The following TRPV4 variants were observed in gnomAD, a reference collection of about 807,000 sequenced individuals.
TRPV4 encodes OSM9-like transient receptor potential channel 4.
Under a neutral mutation model 84.1 loss-of-function variants are expected in TRPV4, and 58 were observed. That is an observed-to-expected ratio of 0.69 (90% CI 0.56 to 0.86). TRPV4 has a LOEUF of 0.86. Among genes scored for constraint, TRPV4 ranks in the 40% least tolerant of loss-of-function variants. TRPV4 has a pLI of 0.00. For synonymous variants in TRPV4, 489 were observed against 500.9 expected, an observed-to-expected ratio of 0.98 and a Z score of 0.32; for missense variants, 879 against 1,181.1, an observed-to-expected ratio of 0.74 and a Z score of 3.75.
intron 1 of TRPV4, among the ~76,000 whole-genome samples, chr12:109,826,628 C>T (rs775930736): frequency 1.1e-4 from 16 of 152,312 alleles, no homozygotes; most frequent in Non-Finnish European, 1.6e-4. Context: ...TTCATTCATC[C>T]CTTTGGGGGC....
Position 109,783,983 on chromosome 12 carries a change from G to C in TRPV4, c.2459-205C>G, listed in dbSNP as rs1033222975. 6.6e-6 allele frequency among the ~76,000 whole-genome samples: 1 copy of C among 152,188 alleles called. No homozygotes were observed. Among genetic ancestry groups the C allele is most frequent in the South Asian group, 2.1e-4 (1 of 4,832 alleles). Reference sequence around the variant, plus strand: ...AATGGAGGAACCAGGATTCAAGCCTGGAGCCGAATGCCCTGAGTGCCTGTG... The same window carrying C: ...AATGGAGGAACCAGGATTCAAGCCTCGAGCCGAATGCCCTGAGTGCCTGTG... On this transcript the variant is annotated intron_variant, in intron 15 of 15. Coordinates refer to ENST00000261740, the MANE Select transcript of TRPV4 (RefSeq NM_021625.5). The surrounding 1 kb of genome is among the most constrained non-coding windows in gnomAD (Gnocchi z 4.6).
intron 14 of TRPV4, among the ~76,000 whole-genome samples, chr12:109,785,148 T>A (rs1280117246): frequency 2.6e-5 from 4 of 151,942 alleles, no homozygotes. Flanking sequence ...CAGCCCCCCA[T>A]GTAGCTGGGA....
chr12:109,809,652 C>T (rs199757265), intron 2 of TRPV4, among the ~76,000 whole-genome samples: 38 of 148,408 alleles, frequency 2.6e-4, no homozygotes, highest in East Asian at 1.0e-3. Context: ...CACCCACCCA[C>T]CCATCCATCC....
At position 109,788,653 on chromosome 12, in the gene TRPV4, C is replaced by A. The variant is rs1200727184; in HGVS notation, c.1955G>T (p.Cys652Phe). Residue 652 changes from cysteine (C) to phenylalanine (F), a missense_variant, in exon 13 of 16, where the codon TGC becomes TTC. By Grantham distance (205) the Cys-to-Phe change is radical. This residue lies in a region of TRPV4 where 242 missense variants were observed against 355.3 expected (regional missense o/e 0.68). Transcript: ENST00000261740. ...GCACGAGGGGTAAGTGGGCACTGTG[C>A]AGTTGGTCTGGTCCTCATTGCACAC... ...MKVCNEDQTN[C>F]TVPTYPSCRD... 1.2e-6 allele frequency: 2 copies of A among 1,614,074 alleles called. No homozygotes were observed. Among genetic ancestry groups the A allele is most frequent in the Non-Finnish European group, 1.7e-6 (2 of 1,180,044 alleles).
In TRPV4 at chr12:109,786,675, G is replaced by A. The variant is rs752950814; in HGVS notation, c.2336+35C>T. 2.3e-5 allele frequency: 37 copies of A among 1,612,328 alleles called. No homozygotes were observed. The highest frequency in any genetic ancestry group is 9.3e-5 in the African/African-American group (7 of 74,916). On this transcript the variant is annotated intron_variant, in intron 14 of 15. Coordinates refer to ENST00000261740, the MANE Select transcript of TRPV4 (RefSeq NM_021625.5). This position sits in a 1 kb window ranked among gnomAD's most constrained non-coding sequence, Gnocchi z 4.5. ...GCCCCGAGCCAGTGGGGACAGTTCC[G>A]CCCTGCCATCCTGGCCCCACTGCCC...
At chr12:109,830,198 G>C (rs1180248829) in intron 1 of TRPV4, among the ~76,000 whole-genome samples, 3 of 150,128 alleles carry the variant, frequency 2.0e-5, no homozygotes, top group African/African-American at 7.4e-5. Flanking sequence ...AAATGGGGAC[G>C]GGCCACCTTA....
In TRPV4 at chr12:109,786,699, C is replaced by T; in HGVS notation, c.2336+11G>A. ...CGCCCTGCCATCCTGGCCCCACTGC[C>T]CCAGCCTCACCTGAAGCACCACCTG... On this transcript the variant is annotated intron_variant, in intron 14 of 15. Coordinates refer to ENST00000261740, the MANE Select transcript of TRPV4 (RefSeq NM_021625.5). This position sits in a 1 kb window ranked among gnomAD's most constrained non-coding sequence, Gnocchi z 4.5. The T allele has an allele frequency of 6.2e-7, 1 of 1,613,576 alleles. No homozygotes were observed. Among genetic ancestry groups the T allele is most frequent in the Non-Finnish European group, 8.5e-7 (1 of 1,180,006 alleles).
Position 109,783,537 on chromosome 12 carries a change from T to C in TRPV4, c.*84A>G. On this transcript the variant is annotated 3_prime_UTR_variant, in exon 16 of 16. Transcript: ENST00000261740. The surrounding 1 kb of genome is among the most constrained non-coding windows in gnomAD (Gnocchi z 4.6). ...TCGCCTCTGGGGCCAAAGCAGGGTGTGGGGGGACACCCCAGAAGGCACTGC... is the reference window on the plus strand; with the variant it reads ...TCGCCTCTGGGGCCAAAGCAGGGTGCGGGGGGACACCCCAGAAGGCACTGC... The C allele has an allele frequency of 6.5e-7, 1 of 1,537,740 alleles. No homozygotes were observed. Among genetic ancestry groups the C allele is most frequent in the Non-Finnish European group, 8.8e-7 (1 of 1,135,036 alleles).
Position 109,800,550 on chromosome 12 carries a change from C to G in TRPV4, c.853+68G>C. On this transcript the variant is annotated intron_variant, in intron 5 of 15. Coordinates refer to ENST00000261740, the MANE Select transcript of TRPV4 (RefSeq NM_021625.5). ...TGATGGTCAGGGCTGCAGACACCAA[C>G]CAGTATCATGCTATCTCCCGCCATG... 3.1e-6 allele frequency: 5 copies of G among 1,595,018 alleles called. 1 individual carries two copies. The South Asian group carries it at 5.6e-5, about 18-fold the overall frequency.
At chr12:109,799,891 G>A (rs867650090) in intron 5 of TRPV4, among the ~76,000 whole-genome samples, 2 of 152,108 alleles carry the variant, frequency 1.3e-5, no homozygotes, top group African/African-American at 4.8e-5. Context: ...CTCCCAAGCA[G>A]CTGGGACTTC....
At chr12:109,785,370 TATC>T (rs1370200187) in intron 14 of TRPV4, among the ~76,000 whole-genome samples, 2 of 152,020 alleles carry the variant, frequency 1.3e-5, no homozygotes, top group African/African-American at 4.8e-5. Context: ...TTTTATATAT[TATC>T]TTTTTTTTTT....
intron 1 of TRPV4, among the ~76,000 whole-genome samples, chr12:109,820,417 G>A (rs949261774): frequency 4.6e-5 from 6 of 131,106 alleles, no homozygotes; most frequent in Non-Finnish European, 8.5e-5. Context: ...TTGACGTCAG[G>A]CAGACCAGAG....
In TRPV4 at chr12:109,820,514, C is replaced by CTTTTTTTTTTTTTTTTTTT. The variant is rs1186445597; in HGVS notation, c.-31-5688_-31-5687insAAAAAAAAAAAAAAAAAAA. 2.1e-4 allele frequency among the ~76,000 whole-genome samples: 26 copies of CTTTTTTTTTTTTTTTTTTT among 123,140 alleles called. 5 individuals are homozygous for CTTTTTTTTTTTTTTTTTTT. Among genetic ancestry groups the CTTTTTTTTTTTTTTTTTTT allele is most frequent in the East Asian group, 9.3e-4 (3 of 3,212 alleles). The allele number at this position is 123,140 out of a possible 152,430, so 80.8% of individuals were successfully genotyped here. ...CTGATCTTCACTTTCTTCAGCTGCC[C>CTTTTTTTTTTTTTTTTTTT]TATTTTTTTTTTTTTTTTTTTTTTT... On this transcript the variant is annotated intron_variant, in intron 1 of 15. Transcript: ENST00000261740.
intron 1 of TRPV4, among the ~76,000 whole-genome samples, chr12:109,817,818 C>A (rs2136682244): frequency 6.6e-6 from 1 of 152,336 alleles, no homozygotes; most frequent in Admixed American, 6.5e-5. Flanking sequence ...TATCTGATGA[C>A]ATGTTTTGTT....
At chr12:109,816,571 A>G (rs1293565362) in intron 1 of TRPV4, among the ~76,000 whole-genome samples, 2 of 152,310 alleles carry the variant, frequency 1.3e-5, no homozygotes, top group Admixed American at 6.5e-5. Flanking sequence ...TGAAGTCAGG[A>G]GTTCGAGACC....
At chr12:109,827,813 CACACATACACATATATACACATAT>C (rs1261012776) in intron 1 of TRPV4, among the ~76,000 whole-genome samples, 1 of 151,552 alleles carries the variant, frequency 6.6e-6, no homozygotes, top group Non-Finnish European at 1.5e-5. Context: ...CATACATATA[CACACATACACATATATACACATAT>C]ACACATACAC....
rs534847501 is a variant in TRPV4, at chr12:109,795,901, C to G, written c.1332+624G>C. ...TAGCTGGGACTACAGGCTCGCACCA[C>G]CATGCCTAGCTAATTTTCATTTTTA... On this transcript the variant is annotated intron_variant, in intron 7 of 15. Coordinates refer to ENST00000261740, the MANE Select transcript of TRPV4 (RefSeq NM_021625.5). Among the ~76,000 whole-genome samples the G allele has an allele frequency of 8.6e-5, 13 of 150,598 alleles. No individual in the cohort carries two copies. The East Asian group carries it at 2.4e-3, about 28-fold the overall frequency.
Position 109,786,806 on chromosome 12 carries a change from G to A in TRPV4, c.2240C>T (p.Ser747Phe). ...GGCCTTCCTCAGGAATACGGGGAAGGAGCGCTCAATGTCCAGGATGGTGGT... is the reference window on the plus strand; with the variant it reads ...GGCCTTCCTCAGGAATACGGGGAAGAAGCGCTCAATGTCCAGGATGGTGGT... ...WATTILDIER[S>F]FPVFLRKAFR... The change falls in exon 14 of 16, where the codon TCC (serine) becomes TTC (phenylalanine). Residue 747 changes from serine (S) to phenylalanine (F), a missense_variant. Transcript: ENST00000261740. This position sits in a 1 kb window ranked among gnomAD's most constrained non-coding sequence, Gnocchi z 4.5. The A allele has an allele frequency of 2.5e-6, 4 of 1,614,004 alleles. No individual in the cohort carries two copies. Among genetic ancestry groups the A allele is most frequent in the African/African-American group, 1.3e-5 (1 of 75,030 alleles).
In TRPV4 at chr12:109,814,383, C is replaced by T; in HGVS notation, c.386+28G>A. Reference sequence around the variant, plus strand: ...GGTGAATGGATACAGAGGAGGAGACCACAGGCCAGGAAGCTAACAATACTC... The same window carrying T: ...GGTGAATGGATACAGAGGAGGAGACTACAGGCCAGGAAGCTAACAATACTC... On this transcript the variant is annotated intron_variant, in intron 2 of 15. Coordinates refer to ENST00000261740, the MANE Select transcript of TRPV4 (RefSeq NM_021625.5). The surrounding 1 kb of genome is among the most constrained non-coding windows in gnomAD (Gnocchi z 5.4). The T allele has an allele frequency of 1.9e-6, 3 of 1,611,004 alleles. No individual in the cohort carries two copies. The highest frequency in any genetic ancestry group is 2.5e-6 in the Non-Finnish European group (3 of 1,178,790).
Sources: allele counts gnomAD v4.1 joint callset (sites outside exome capture counted in the v4.1 genomes callset), GRCh38; gene constraint gnomAD v4.1.1; regional missense constraint gnomAD v4.1.1; non-coding constraint Gnocchi (gnomAD v3.1); transcripts MANE v1.5; gene names NCBI Gene and HGNC (gene_info 2026-07-23, HGNC 2026-07-21).